CBLB: variants seen among roughly 807,000 people sequenced by gnomAD.
The protein encoded by CBLB is E3 ubiquitin-protein ligase CBL-B.
Under a neutral mutation model 104.9 loss-of-function variants are expected in CBLB, and 31 were observed. That is an observed-to-expected ratio of 0.30 (90% CI 0.22 to 0.40). CBLB has a LOEUF of 0.40. Ranked by LOEUF, CBLB falls within the 10% of genes least tolerant of loss-of-function variation. CBLB has a pLI of 1.00. For synonymous variants in CBLB, 440 were observed against 422.6 expected, an observed-to-expected ratio of 1.04 and a Z score of -0.51; for missense variants, 1,062 against 1,214.6, an observed-to-expected ratio of 0.87 and a Z score of 1.87.
intron 3 of CBLB, among the ~76,000 whole-genome samples, chr3:105,807,830 T>C (rs1383757275): frequency 2.6e-5 from 4 of 152,196 alleles, no homozygotes; most frequent in African/African-American, 9.6e-5. Context: ...TACTGTGGTG[T>C]AACTCCATGA....
intron 18 of CBLB, among the ~76,000 whole-genome samples, chr3:105,666,553 G>A (rs1171288653): frequency 6.6e-6 from 1 of 152,118 alleles, no homozygotes; most frequent in African/African-American, 2.4e-5. Flanking sequence ...GGGCATGATG[G>A]TGGATGCCTG....
At chr3:105,766,113 A>G (rs1219319292) in intron 4 of CBLB, among the ~76,000 whole-genome samples, 4 of 152,232 alleles carry the variant, frequency 2.6e-5, no homozygotes, top group African/African-American at 9.6e-5. Context: ...TCAAGACTTC[A>G]GTGGAAGAAG....
At position 105,681,294 on chromosome 3, in the gene CBLB, T is replaced by G. The variant is rs1559797890; in HGVS notation, c.2428+185A>C. Reference sequence around the variant, plus strand: ...GATGCCCAACTACTACACTACTACCTTAATCATCTACATGGAGTAATGGTC... The same window carrying G: ...GATGCCCAACTACTACACTACTACCGTAATCATCTACATGGAGTAATGGTC... On this transcript the variant is annotated intron_variant, in intron 16 of 18. Transcript: ENST00000394030. 5 of 623,216 alleles carry G rather than the reference T, an allele frequency of 8.0e-6. No individual in the cohort carries two copies. The South Asian group carries it at 9.9e-5, about 12-fold the overall frequency. 38.6% of individuals were successfully genotyped at this position (623,216 alleles called of 1,614,324 possible).
chr3:105,671,078 C>A (rs1576199007), intron 17 of CBLB: 2 of 184,882 alleles, frequency 1.1e-5, no homozygotes, highest in East Asian at 1.8e-4. Flanking sequence ...TATTTACTAA[C>A]TGGAACTAAA....
chr3:105,695,996 T>C (rs896776263), intron 12 of CBLB, among the ~76,000 whole-genome samples: 1 of 151,656 alleles, frequency 6.6e-6, no homozygotes, highest in African/African-American at 2.4e-5. Flanking sequence ...AGAAATTCAT[T>C]ATTACTGAAA....
upstream of CBLB, chr3:105,869,147 C>T (rs908511865): frequency 2.9e-6 from 2 of 682,972 alleles, no homozygotes; most frequent in Non-Finnish European, 4.2e-6. Context: ...CGGGAGGCGC[C>T]CGTCCTCCTC....
chr3:105,687,384 T>C (rs1007340485), intron 13 of CBLB, among the ~76,000 whole-genome samples: 2 of 152,122 alleles, frequency 1.3e-5, no homozygotes, highest in Admixed American at 1.3e-4. Flanking sequence ...TTTACCTTCA[T>C]TGATAGAGAA....
At chr3:105,706,420 T>G (rs2070146316) in intron 10 of CBLB, among the ~76,000 whole-genome samples, 1 of 152,212 alleles carries the variant, frequency 6.6e-6, no homozygotes, top group Admixed American at 6.5e-5. Context: ...AGAATCTCTA[T>G]AGTCACAAAC....
At chr3:105,795,143 A>G (rs2082120769) in intron 3 of CBLB, among the ~76,000 whole-genome samples, 1 of 152,108 alleles carries the variant, frequency 6.6e-6, no homozygotes, top group Non-Finnish European at 1.5e-5. Context: ...AGATCTGCTG[A>G]CCTTGTGATC....
rs1041931530 is a variant in CBLB at position 105,740,307 on chromosome 3, G to T, written c.983+187C>A. Among the ~76,000 whole-genome samples, 3 of 152,062 alleles carry T rather than the reference G, an allele frequency of 2.0e-5. No individual in the cohort carries two copies. The South Asian group carries it at 6.2e-4, about 32-fold the overall frequency. On this transcript the variant is annotated intron_variant, in intron 7 of 18. Transcript: ENST00000394030. ...GTTGAAATGTATTTGCTATAACATA[G>T]TTTCAAATAATTAGGTTACCTTAAA...
At chr3:105,721,427 ATTCT>A (rs1396547845) in intron 9 of CBLB, among the ~76,000 whole-genome samples, 2 of 152,204 alleles carry the variant, frequency 1.3e-5, no homozygotes, top group South Asian at 4.1e-4. Context: ...GTGATAGTTT[ATTCT>A]TTCTAAGTCT....
chr3:105,808,474 T>C (rs917898092), intron 3 of CBLB, among the ~76,000 whole-genome samples: 7 of 152,190 alleles, frequency 4.6e-5, no homozygotes, highest in African/African-American at 1.7e-4. Context: ...AATATAAACT[T>C]TATGCCAGTT....
In CBLB at chr3:105,658,082, CA is replaced by C. The variant is rs944668066; in HGVS notation, c.*887del. The C allele has an allele frequency of 1.5e-4, 33 of 216,970 alleles. No individual in the cohort carries two copies. Among genetic ancestry groups the C allele is most frequent in the Non-Finnish European group, 2.4e-4 (26 of 107,784 alleles). 13.4% of individuals were successfully genotyped at this position (216,970 alleles called of 1,614,324 possible). Reference sequence around the variant, plus strand: ...CTCAAAGTAATGCAGGCATAAGTATCAGGGGACCTTGTTATATAACTTCAGT... The same window carrying C: ...CTCAAAGTAATGCAGGCATAAGTATCGGGGACCTTGTTATATAACTTCAGT... On this transcript the variant is annotated 3_prime_UTR_variant, in exon 19 of 19. Transcript: ENST00000394030.
At position 105,670,305 on chromosome 3, in the gene CBLB, T is replaced by C. The variant is rs1006542783; in HGVS notation, c.2617A>G (p.Arg873Gly). 2.5e-6 allele frequency: 4 copies of C among 1,611,170 alleles called. No individual in the cohort carries two copies. The highest frequency in any genetic ancestry group is 1.6e-4 in the Middle Eastern group (1 of 6,082). Residue 873 changes from arginine to glycine, a missense_variant, in exon 18 of 19, where the codon AGA (arginine) becomes GGA (glycine). Arg to Gly is a moderately radical substitution (Grantham distance 125, BLOSUM62 -2). Transcript: ENST00000394030. ...ASGQVPLPPA[R>G]RLPGENVKTN... ...TTGACATTTTCACCTGGTAACCTTC[T>C]AGCAGGAGGCAAAGGAACTTGGCCA...
chr3:105,749,953 T>C (rs1576856304), intron 5 of CBLB, among the ~76,000 whole-genome samples: 2 of 152,110 alleles, frequency 1.3e-5, no homozygotes, highest in Admixed American at 6.5e-5. Context: ...ATTTATGTAA[T>C]TGCTTACCCT....
At chr3:105,700,420 C>CA (rs2068926830) in intron 12 of CBLB, among the ~76,000 whole-genome samples, 1 of 151,748 alleles carries the variant, frequency 6.6e-6, no homozygotes, top group African/African-American at 2.4e-5. Context: ...CTTCTTCTAA[C>CA]ACTCTTCCCA....
chr3:105,769,854 A>G (rs1411045440), intron 4 of CBLB, among the ~76,000 whole-genome samples: 1 of 152,216 alleles, frequency 6.6e-6, no homozygotes, highest in Non-Finnish European at 1.5e-5. Context: ...CTTTTTAGAC[A>G]GCTCACTGGT....
intron 2 of CBLB, among the ~76,000 whole-genome samples, chr3:105,861,773 C>T (rs2092116773): frequency 6.7e-6 from 1 of 149,686 alleles, no homozygotes; most frequent in South Asian, 2.1e-4. Context: ...AACAGAACTC[C>T]CTTCCTTTTC....
chr3:105,786,277 T>C (rs1471045931), intron 3 of CBLB, among the ~76,000 whole-genome samples: 1 of 152,076 alleles, frequency 6.6e-6, no homozygotes, highest in Non-Finnish European at 1.5e-5. Context: ...TTTTTCTTTC[T>C]TTTATTCTTT....
Sources: allele counts gnomAD v4.1 joint callset (sites outside exome capture counted in the v4.1 genomes callset), GRCh38; gene constraint gnomAD v4.1.1; transcripts MANE v1.5; gene names NCBI Gene and HGNC (gene_info 2026-07-23, HGNC 2026-07-21).